Variants in STIP1 observed in about 807,000 individuals in gnomAD.
STIP1 encodes the protein stress induced phosphoprotein 1.
In STIP1, 16 loss-of-function variants were observed where a neutral mutation model predicts 77.4. The ratio of observed to expected loss-of-function variants is 0.21; its 90% CI spans 0.14 to 0.31. STIP1 has a LOEUF of 0.31. STIP1 is among the 10% of genes least tolerant of loss of function. The pLI is 1.00. For missense variants in STIP1, 524 were observed against 684.8 expected, an observed-to-expected ratio of 0.77 and a Z score of 2.62; for synonymous variants, 258 against 246.6, an observed-to-expected ratio of 1.05 and a Z score of -0.44.
chr11:64,204,009 C>T (rs201955898), intron 13 of STIP1, 45 bp from the exon 14 acceptor site: 188 of 1,605,864 alleles, frequency 1.2e-4, no homozygotes, highest in Middle Eastern at 5.0e-4. Flanking sequence ...GCAAGTAAGA[C>T]TTTAAAGGTT....
chr11:64,190,002 TC>T lies in STIP1; in HGVS notation c.10-3075del, dbSNP rs201741131. On this transcript the variant is annotated intron_variant, in intron 1 of 13. Coordinates refer to ENST00000305218, the MANE Select transcript of STIP1 (RefSeq NM_006819.3). The stretch of plus-strand genomic sequence containing the variant: ...TTTGAGGATTCCAAAATCATTTCTC[TC>T]TTTTTTTTTTTTTTCCAAATAGAGT... Among the ~76,000 whole-genome samples, 30 of 104,998 alleles carry T rather than the reference TC, an allele frequency of 2.9e-4. 2 individuals carry two copies. The highest frequency in any genetic ancestry group is 3.9e-4 in the Admixed American group (3 of 7,750). The allele number at this position is 104,998 out of a possible 152,430, so 68.9% of individuals were successfully genotyped here. A position where few individuals can be genotyped will look rare whatever the true frequency, so the allele number is the denominator to read the frequency against.
chr11:64,198,063 T>TG lies in STIP1; in HGVS notation c.1023+89_1023+90insG, dbSNP rs1946170968. The stretch of plus-strand genomic sequence containing the variant: ...TGTTTTATTTAATAATGAACTTGAC[T>TG]TTTTTTTTTTTTTGAGATAGGGTCT... On this transcript the variant is annotated intron_variant, in intron 8 of 13. Coordinates refer to ENST00000305218, the MANE Select transcript of STIP1 (RefSeq NM_006819.3). The TG allele has an allele frequency of 1.4e-5, 7 of 503,508 alleles. No individual in the cohort carries two copies. The Admixed American group carries it at 2.3e-4, about 16-fold the overall frequency. The allele number at this position is 503,508 out of a possible 1,614,324, so 31.2% of individuals were successfully genotyped here. A position where few individuals can be genotyped will look rare whatever the true frequency, so the allele number is the denominator to read the frequency against.
chr11:64,197,201 A>G lies in STIP1; in HGVS notation c.673-70A>G. ...TGTTAGTTGCATTTCAGAACTTGTG[A>G]CAGATCATAGATTCTTGCTTTGTCA... is the stretch of plus-strand genomic sequence containing the variant. On this transcript the variant is annotated intron_variant, in intron 5 of 13. Coordinates refer to ENST00000305218, the MANE Select transcript of STIP1 (RefSeq NM_006819.3). 8 of 1,594,618 alleles carry G rather than the reference A, an allele frequency of 5.0e-6. No homozygotes were observed. The South Asian group carries it at 7.9e-5, about 16-fold the overall frequency.
chr11:64,185,693 C>T, upstream of STIP1: 3 of 1,268,000 alleles, frequency 2.4e-6, no homozygotes, highest in Non-Finnish European at 3.2e-6. Flanking sequence ...CCGACTGCAG[C>T]CGGTACTCCC....
Position 64,197,603 on chromosome 11 carries a change from C to T in STIP1, c.902+8C>T. ...CTATCGACAGATTGCCAAGTAGGCT[C>T]AACCTTCCAGAATACCTTGAGTAGC... is the stretch of plus-strand genomic sequence containing the variant. On this transcript the variant is annotated splice_region_variant and intron_variant, in intron 7 of 13. Coordinates refer to ENST00000305218, the MANE Select transcript of STIP1 (RefSeq NM_006819.3). 1 of 1,613,968 alleles carries T rather than the reference C, an allele frequency of 6.2e-7. No homozygotes were observed. The highest frequency in any genetic ancestry group is 2.2e-5 in the East Asian group (1 of 44,888).
At chr11:64,198,203 G>A (rs548148681) in intron 8 of STIP1, among the ~76,000 whole-genome samples, 30 of 151,774 alleles carry the variant, frequency 2.0e-4, no homozygotes, top group Admixed American at 7.2e-4. Flanking sequence ...TTACAGGCAC[G>A]TGCCACCACG....
At position 64,204,331 on chromosome 11, in the gene STIP1, C is replaced by G. The variant is rs1946259707; in HGVS notation, c.*205C>G. The G allele has an allele frequency of 7.3e-6, 4 of 551,722 alleles. No homozygotes were observed. Among genetic ancestry groups the G allele is most frequent in the East Asian group, 3.1e-5 (1 of 32,202 alleles). The allele number at this position is 551,722 out of a possible 1,614,324, so 34.2% of individuals were successfully genotyped here. On this transcript the variant is annotated 3_prime_UTR_variant, in exon 14 of 14. Transcript: ENST00000305218. Reference sequence around the variant, plus strand: ...TGGGCCCTCCCAGCACACGCATGGTCTCTTCACCGCTGCCCTCGAGTTCCA... The same window carrying G: ...TGGGCCCTCCCAGCACACGCATGGTGTCTTCACCGCTGCCCTCGAGTTCCA...
rs116310757 is a variant in STIP1 at position 64,191,041 on chromosome 11, G to C, written c.10-2037G>C. On this transcript the variant is annotated intron_variant, in intron 1 of 13. Coordinates refer to ENST00000305218, the MANE Select transcript of STIP1 (RefSeq NM_006819.3). ...CGTCTCTACTAAAAATACAAAATTA[G>C]ACGGATGTGGTAGTGCGTGTCTGTA... Among the ~76,000 whole-genome samples, 358 of 152,064 alleles carry C rather than the reference G, an allele frequency of 2.4e-3. 3 individuals carry two copies. The highest frequency in any genetic ancestry group is 8.4e-3 in the African/African-American group (347 of 41,484).
intron 10 of STIP1, among the ~76,000 whole-genome samples, chr11:64,200,625 G>GTA (rs1946208926): frequency 7.0e-6 from 1 of 143,760 alleles, no homozygotes; most frequent in Non-Finnish European, 1.5e-5. Flanking sequence ...GTGTGTGTGT[G>GTA]TGTAAAATAT....
At chr11:64,200,428 GCCTC>G in intron 10 of STIP1, 135 bp downstream of exon 10, 7 of 1,392,978 alleles carry the variant, frequency 5.0e-6, no homozygotes, top group Non-Finnish European at 6.8e-6. Context: ...TCCTGCCTCA[GCCTC>G]CTGAGGAGCT....
intron 5 of STIP1, 166 bp downstream of exon 5, chr11:64,195,979 C>G (rs139128407): frequency 2.2e-6 from 2 of 889,274 alleles, no homozygotes; most frequent in Non-Finnish European, 3.4e-6. Context: ...TGGCCTCAAG[C>G]GATGCTCCTG....
Position 64,203,134 on chromosome 11 carries a change from A to G in STIP1, c.1292A>G (p.Tyr431Cys), listed in dbSNP as rs1280519758. ...CCTTTCCTGTTTGTAGTCAAGGGTTATACACGGAAAGCCGCTGCGCTGGAA... is the reference window on the plus strand; with the variant it reads ...CCTTTCCTGTTTGTAGTCAAGGGTTGTACACGGAAAGCCGCTGCGCTGGAA... ...IQLEPTFIKGYTRKAAALEAM... is the reference protein window; with the variant it reads ...IQLEPTFIKGCTRKAAALEAM... The change falls in exon 12 of 14, where the codon TAT becomes TGT. Residue 431 changes from tyrosine to cysteine, a missense_variant. By Grantham distance (194) the Tyr-to-Cys change is radical. Transcript: ENST00000305218. 1 of 1,614,230 alleles carries G rather than the reference A, an allele frequency of 6.2e-7. No individual in the cohort carries two copies. Among genetic ancestry groups the G allele is most frequent in the South Asian group, 1.1e-5 (1 of 91,084 alleles).
intron 1 of STIP1, 115 bp downstream of exon 1, chr11:64,186,385 G>C (rs1170386217): frequency 2.6e-6 from 3 of 1,159,012 alleles, no homozygotes; most frequent in Non-Finnish European, 3.3e-6. Flanking sequence ...CTCGGCGCTG[G>C]GGCCGGACGG....
At chr11:64,187,332 C>T (rs1308141500) in intron 1 of STIP1, among the ~76,000 whole-genome samples, 1 of 152,080 alleles carries the variant, frequency 6.6e-6, no homozygotes, top group Admixed American at 6.6e-5. Flanking sequence ...TCCTCCCGCT[C>T]GGGAGTACTA....
Position 64,186,187 on chromosome 11 carries a change from C to T in STIP1, c.-75C>T, listed in dbSNP as rs1205433384. Reference sequence around the variant, plus strand: ...GGTCCCGGTAGCTTCTAGTAGGTTCCAGAAGGCGGCGCGTGCGGTTGGGAA... The same window carrying T: ...GGTCCCGGTAGCTTCTAGTAGGTTCTAGAAGGCGGCGCGTGCGGTTGGGAA... On this transcript the variant is annotated 5_prime_UTR_variant, in exon 1 of 14. Coordinates refer to ENST00000305218, the MANE Select transcript of STIP1 (RefSeq NM_006819.3). 8 of 1,550,598 alleles carry T rather than the reference C, an allele frequency of 5.2e-6. No individual in the cohort carries two copies. The highest frequency in any genetic ancestry group is 7.0e-6 in the Non-Finnish European group (8 of 1,146,936).
At chr11:64,201,034 T>C (rs1203131363) in intron 10 of STIP1, among the ~76,000 whole-genome samples, 1 of 136,944 alleles carries the variant, frequency 7.3e-6, no homozygotes, top group African/African-American at 3.4e-5. Context: ...GCCCCCTTTT[T>C]TTAAAAAAAA....
Position 64,204,186 on chromosome 11 carries a change from C to T in STIP1, c.*60C>T, listed in dbSNP as rs959881120. On this transcript the variant is annotated 3_prime_UTR_variant, in exon 14 of 14. Transcript: ENST00000305218. ...GTGGAAAGAGGAGCTGGGACCGCGG[C>T]GAGCAGCACGGAGCGGAAGGGAGAG... 17 of 1,569,812 alleles carry T rather than the reference C, an allele frequency of 1.1e-5. No individual in the cohort carries two copies. The South Asian group carries it at 1.3e-4, about 12-fold the overall frequency.
At chr11:64,196,585 C>A (rs1591010682) in intron 5 of STIP1, among the ~76,000 whole-genome samples, 1 of 152,066 alleles carries the variant, frequency 6.6e-6, no homozygotes. Flanking sequence ...AGAATGTTGT[C>A]CACATCAATC....
intron 1 of STIP1, among the ~76,000 whole-genome samples, chr11:64,188,566 C>T (rs1038183051): frequency 1.3e-5 from 2 of 152,044 alleles, no homozygotes; most frequent in Non-Finnish European, 2.9e-5. Context: ...TTTGTAGAGA[C>T]GGGGCTCTTG....
Sources: gnomAD v4.1 joint callset for allele counts (sites outside exome capture counted in the v4.1 genomes callset) on GRCh38, gnomAD v4.1.1 for gene constraint, MANE v1.5 for transcripts, NCBI Gene and HGNC (gene_info 2026-07-23, HGNC 2026-07-21) for gene names.